EPHA6: variants seen among roughly 807,000 people sequenced by gnomAD.
EPHA6 encodes EPH receptor A6, also known as ephrin type-A receptor 6.
In EPHA6, 50 loss-of-function variants were observed where a neutral mutation model predicts 112.0. The ratio of observed to expected loss-of-function variants is 0.45; its 90% CI spans 0.36 to 0.56. The LOEUF is 0.56. EPHA6 is among the 20% of genes least tolerant of loss of function. The pLI is 0.00. For missense variants in EPHA6, 1,280 were observed against 1,417.4 expected, an observed-to-expected ratio of 0.90 and a Z score of 1.56; for synonymous variants, 529 against 490.7, an observed-to-expected ratio of 1.08 and a Z score of -1.03.
intron 14 of EPHA6, among the ~76,000 whole-genome samples, chr3:97,689,480 G>C (rs577839560): frequency 6.6e-5 from 10 of 152,252 alleles, no homozygotes; most frequent in African/African-American, 2.4e-4. Flanking sequence ...CCTGTAATGC[G>C]GTAGGCAGGC....
intron 11 of EPHA6, among the ~76,000 whole-genome samples, chr3:97,589,163 CTTT>C (rs1184809574): frequency 7.0e-6 from 1 of 143,646 alleles, no homozygotes. Flanking sequence ...CTTTTCTTCT[CTTT>C]TTTTTTTTTA....
chr3:96,979,271 A>G (rs1046969093), intron 2 of EPHA6, among the ~76,000 whole-genome samples: 7 of 137,454 alleles, frequency 5.1e-5, no homozygotes, highest in African/African-American at 1.1e-4. Context: ...TCATTGTTCA[A>G]TTCCCACCTA....
At chr3:97,369,796 C>T (rs189175908) in intron 5 of EPHA6, among the ~76,000 whole-genome samples, 28 of 152,168 alleles carry the variant, frequency 1.8e-4, no homozygotes, top group Non-Finnish European at 2.8e-4. Flanking sequence ...TAAATAATAT[C>T]TAGACTTATA....
chr3:97,645,999 G>C, intron 14 of EPHA6: 1 of 661,254 alleles, frequency 1.5e-6, no homozygotes, highest in Non-Finnish European at 2.3e-6. Context: ...GTTGGGGAGA[G>C]GTTTGTAATC....
At chr3:97,157,464 T>A (rs2108390717) in intron 3 of EPHA6, among the ~76,000 whole-genome samples, 1 of 152,260 alleles carries the variant, frequency 6.6e-6, no homozygotes, top group Non-Finnish European at 1.5e-5. Flanking sequence ...AATTTTGTAT[T>A]TCAACCCCTA....
chr3:96,956,106 A>G (rs1281956949), intron 2 of EPHA6, among the ~76,000 whole-genome samples: 2 of 93,218 alleles, frequency 2.1e-5, no homozygotes, highest in East Asian at 1.0e-3. Flanking sequence ...TTGCAGTGTA[A>G]AAAGAACATG....
intron 4 of EPHA6, among the ~76,000 whole-genome samples, chr3:97,236,497 G>C (rs886346077): frequency 6.6e-5 from 10 of 151,992 alleles, no homozygotes; most frequent in Admixed American, 6.6e-4. Context: ...AAACATTTAC[G>C]TTGCCTACTT....
chr3:96,901,286 A>G (rs930567304), intron 2 of EPHA6, among the ~76,000 whole-genome samples: 4 of 152,128 alleles, frequency 2.6e-5, no homozygotes, highest in Non-Finnish European at 4.4e-5. Flanking sequence ...GTTGGACTAT[A>G]TGTATAAAAT....
intron 5 of EPHA6, among the ~76,000 whole-genome samples, chr3:97,311,474 A>C (rs976857393): frequency 9.3e-5 from 14 of 149,864 alleles, no homozygotes; most frequent in African/African-American, 3.2e-4. Context: ...ACACACACAC[A>C]CGTTTGCTCT....
rs150126937 is a variant in EPHA6, at chr3:97,094,362, A to G, written c.1114+106369A>G. 4.9e-3 allele frequency among the ~76,000 whole-genome samples: 748 copies of G among 152,244 alleles called. 8 individuals are homozygous for G. The highest frequency in any genetic ancestry group is 0.017 in the African/African-American group (688 of 41,562). On this transcript the variant is annotated intron_variant, in intron 3 of 17. Transcript: ENST00000389672. ...CTTGGTAGAATTTAATATTCTGGTC[A>G]CGATATCAAAAGTAAACAGTAACTT... is the stretch of plus-strand genomic sequence containing the variant.
At chr3:96,824,565 T>C (rs1480217874) in intron 1 of EPHA6, among the ~76,000 whole-genome samples, 5 of 151,996 alleles carry the variant, frequency 3.3e-5, no homozygotes, top group Admixed American at 6.6e-5. Context: ...TGACACCTAT[T>C]ATGTTTGGTG....
At chr3:97,387,070 A>G (rs376420447) in intron 5 of EPHA6, among the ~76,000 whole-genome samples, 1 of 152,196 alleles carries the variant, frequency 6.6e-6, no homozygotes, top group East Asian at 1.9e-4. Flanking sequence ...CTGGCCCACA[A>G]AACCATTCTT....
chr3:97,739,947 C>T (rs1341474149), intron 16 of EPHA6, among the ~76,000 whole-genome samples: 1 of 152,074 alleles, frequency 6.6e-6, no homozygotes, highest in East Asian at 1.9e-4. Context: ...TCATGCACAG[C>T]CCTTGGGAGA....
intron 11 of EPHA6, among the ~76,000 whole-genome samples, chr3:97,555,697 A>G (rs1214183317): frequency 6.6e-6 from 1 of 151,868 alleles, no homozygotes; most frequent in Admixed American, 6.6e-5. Flanking sequence ...GCATTTTTTC[A>G]TGTGTTTTTT....
intron 3 of EPHA6, among the ~76,000 whole-genome samples, chr3:97,168,742 C>T (rs772718310): frequency 2.6e-5 from 4 of 152,086 alleles, no homozygotes; most frequent in Non-Finnish European, 5.9e-5. Flanking sequence ...AAAGAATGGT[C>T]AGCTCATTAA....
At chr3:97,009,902 G>A (rs889225807) in intron 3 of EPHA6, 1 of 449,194 alleles carries the variant, frequency 2.2e-6, no homozygotes, top group Non-Finnish European at 4.4e-6. Flanking sequence ...TTCTCTCCAT[G>A]GGTCATGCTA....
At chr3:97,294,890 T>C (rs1039420815) in intron 5 of EPHA6, among the ~76,000 whole-genome samples, 1 of 152,204 alleles carries the variant, frequency 6.6e-6, no homozygotes, top group Non-Finnish European at 1.5e-5. Flanking sequence ...TTTCAGAACA[T>C]TGAATATATT....
At chr3:97,459,058 CTT>C (rs1355191597) in intron 7 of EPHA6, among the ~76,000 whole-genome samples, 2 of 152,140 alleles carry the variant, frequency 1.3e-5, no homozygotes, top group Non-Finnish European at 2.9e-5. Flanking sequence ...TTAAAGGAAA[CTT>C]GAAGGTTAAG....
chr3:97,508,542 T>C (rs1189569738), intron 10 of EPHA6, among the ~76,000 whole-genome samples: 1 of 152,176 alleles, frequency 6.6e-6, no homozygotes, highest in African/African-American at 2.4e-5. Context: ...ATAATTTCCA[T>C]TTTTTGCATT....
Sources: gnomAD v4.1 joint callset for allele counts (sites outside exome capture counted in the v4.1 genomes callset) on GRCh38, gnomAD v4.1.1 for gene constraint, MANE v1.5 for transcripts, NCBI Gene and HGNC (gene_info 2026-07-23, HGNC 2026-07-21) for gene names.